PTPRD: variants seen among roughly 807,000 people sequenced by gnomAD.
PTPRD encodes the protein receptor-type tyrosine-protein phosphatase delta.
Under a neutral mutation model 214.5 loss-of-function variants are expected in PTPRD, and 34 were observed. The observed-to-expected ratio is 0.16, with a 90% CI of 0.12 to 0.21. The LOEUF (loss-of-function observed/expected upper bound fraction) is 0.21, where lower values mean the gene tolerates loss of function less well. Ranked by LOEUF, PTPRD falls within the 10% of genes least tolerant of loss-of-function variation. The probability of loss-of-function intolerance (pLI) is 1.00; values close to 1 mark genes in which losing one functional copy is unlikely to be tolerated. For missense variants in PTPRD, 2,545 were observed against 2,398.7 expected (o/e 1.06, Z -1.27); for synonymous variants, 1,128 against 845.7 (o/e 1.33, Z -5.79).
At chr9:9,777,068 A>C (rs2098803934) in intron 5 of PTPRD, among the ~76,000 whole-genome samples, 1 of 152,200 alleles carries the variant, frequency 6.6e-6, no homozygotes, top group Non-Finnish European at 1.5e-5. Flanking sequence ...GTCATGTACA[A>C]CTTTACATTT....
intron 3 of PTPRD, among the ~76,000 whole-genome samples, chr9:10,102,446 C>T (rs2098560884): frequency 6.6e-6 from 1 of 151,440 alleles, no homozygotes; most frequent in Admixed American, 6.6e-5. Flanking sequence ...TTTAAAACTC[C>T]CTAGAACTAA....
intron 10 of PTPRD, among the ~76,000 whole-genome samples, chr9:9,107,752 T>C (rs1049634430): frequency 2.0e-5 from 3 of 152,182 alleles, no homozygotes; most frequent in Non-Finnish European, 4.4e-5. Flanking sequence ...GCTACAGAGA[T>C]GATAGCACAT....
At chr9:8,448,310 C>T (rs955939816) in intron 34 of PTPRD, among the ~76,000 whole-genome samples, 1 of 152,098 alleles carries the variant, frequency 6.6e-6, no homozygotes, top group Admixed American at 6.6e-5. Context: ...CCTGGACAAT[C>T]GAGTGAGACT....
chr9:9,236,504 T>C (rs4401923), intron 9 of PTPRD, among the ~76,000 whole-genome samples: 1 of 151,500 alleles, frequency 6.6e-6, no homozygotes, highest in Admixed American at 6.6e-5. Context: ...TTCCTGGGAG[T>C]CCCTGACACT....
intron 35 of PTPRD, among the ~76,000 whole-genome samples, chr9:8,422,942 A>G (rs914094385): frequency 6.6e-6 from 1 of 152,162 alleles, no homozygotes; most frequent in Non-Finnish European, 1.5e-5. Flanking sequence ...TTGTTCATTA[A>G]CTATACTAAT....
intron 8 of PTPRD, among the ~76,000 whole-genome samples, chr9:9,540,134 G>C (rs752504290): frequency 6.6e-6 from 1 of 151,688 alleles, no homozygotes; most frequent in Non-Finnish European, 1.5e-5. Context: ...ATGTAGCTTT[G>C]CATTCATAAC....
At chr9:9,754,993 C>T (rs755523131) in intron 6 of PTPRD, among the ~76,000 whole-genome samples, 4 of 151,860 alleles carry the variant, frequency 2.6e-5, no homozygotes, top group Non-Finnish European at 4.4e-5. Flanking sequence ...GGATAATTTG[C>T]GAATCAGCTG....
intron 6 of PTPRD, among the ~76,000 whole-genome samples, chr9:9,760,992 C>A (rs2098650540): frequency 1.3e-5 from 2 of 152,100 alleles, no homozygotes; most frequent in African/African-American, 4.8e-5. Flanking sequence ...AACAGTTGGG[C>A]AGTTTCTTAT....
At chr9:9,206,259 T>C (rs1348233582) in intron 9 of PTPRD, among the ~76,000 whole-genome samples, 1 of 152,136 alleles carries the variant, frequency 6.6e-6, no homozygotes, top group East Asian at 1.9e-4. Context: ...GGAGATGACA[T>C]ACAGCTTTAT....
chr9:10,440,445 C>T (rs1646719144), intron 2 of PTPRD, among the ~76,000 whole-genome samples: 1 of 151,578 alleles, frequency 6.6e-6, no homozygotes, highest in African/African-American at 2.4e-5. Context: ...TTAAGAACAG[C>T]TGGAAACTTC....
intron 4 of PTPRD, among the ~76,000 whole-genome samples, chr9:10,014,663 A>G (rs1370397513): frequency 6.6e-6 from 1 of 152,062 alleles, no homozygotes; most frequent in East Asian, 1.9e-4. Context: ...ACAGATGAGA[A>G]ATGAAACGTG....
intron 11 of PTPRD, among the ~76,000 whole-genome samples, chr9:8,960,494 C>A (rs994396115): frequency 2.0e-5 from 3 of 151,970 alleles, no homozygotes; most frequent in African/African-American, 7.2e-5. Flanking sequence ...ACATGGGTAC[C>A]CAGAAATCTG....
intron 9 of PTPRD, among the ~76,000 whole-genome samples, chr9:9,368,125 A>C (rs1302571547): frequency 2.0e-5 from 3 of 151,794 alleles, no homozygotes; most frequent in Non-Finnish European, 2.9e-5. Flanking sequence ...ATTTGATTTT[A>C]AGTATGTCAA....
rs547001806 is a variant in PTPRD at position 9,242,477 on chromosome 9, T to C, written c.-202-59114A>G. Among the ~76,000 whole-genome samples, 453 of 152,312 alleles carry C rather than the reference T, an allele frequency of 3.0e-3. 3 individuals are homozygous for C. Among genetic ancestry groups the C allele is most frequent in the African/African-American group, 0.01 (423 of 41,584 alleles). On this transcript the variant is annotated intron_variant, in intron 9 of 45. Transcript: ENST00000381196. Reference sequence around the variant, plus strand: ...TTCCATTCTCCCTGTCACTTTCAGGTACACCAATCAGACGTAGATTTGGTC... The same window carrying C: ...TTCCATTCTCCCTGTCACTTTCAGGCACACCAATCAGACGTAGATTTGGTC...
At chr9:8,461,830 T>A (rs925843505) in intron 32 of PTPRD, among the ~76,000 whole-genome samples, 10 of 151,854 alleles carry the variant, frequency 6.6e-5, no homozygotes, top group African/African-American at 2.4e-4. Context: ...AAATTTTTTT[T>A]ATAGAGATGG....
At position 10,482,765 on chromosome 9, in the gene PTPRD, A is replaced by G. The variant is rs191137228; in HGVS notation, c.-600+129633T>C. ...TGAATATACTTAACCAACTAGGTGA[A>G]AAATCTCCAAGGGGAACTACAAAAT... On this transcript the variant is annotated intron_variant, in intron 2 of 45. Transcript: ENST00000381196. Among the ~76,000 whole-genome samples the G allele has an allele frequency of 5.9e-5, 9 of 152,304 alleles. No homozygotes were observed. The East Asian group carries it at 1.7e-3, about 29-fold the overall frequency.
chr9:10,558,157 G>C (rs2063056874), intron 2 of PTPRD, among the ~76,000 whole-genome samples: 1 of 152,006 alleles, frequency 6.6e-6, no homozygotes. Flanking sequence ...GACTCCTTCA[G>C]ACTTAGTGCC....
chr9:10,073,715 A>G (rs566433047), intron 3 of PTPRD, among the ~76,000 whole-genome samples: 50 of 152,172 alleles, frequency 3.3e-4, no homozygotes, highest in Admixed American at 3.3e-3. Context: ...ACTCATTTCT[A>G]CATCGTTGAC....
chr9:8,734,948 G>T (rs546311100), intron 11 of PTPRD, among the ~76,000 whole-genome samples: 1 of 152,190 alleles, frequency 6.6e-6, no homozygotes, highest in South Asian at 2.1e-4. Context: ...TGCAAAGGCA[G>T]GGCAGTGGGA....
Sources: gnomAD v4.1 joint callset for allele counts (sites outside exome capture counted in the v4.1 genomes callset) on GRCh38, gnomAD v4.1.1 for gene constraint, MANE v1.5 for transcripts, NCBI Gene and HGNC (gene_info 2026-07-23, HGNC 2026-07-21) for gene names.